The following ST7 variants were observed in gnomAD, a reference collection of about 807,000 sequenced individuals.
ST7 encodes the protein suppressor of tumorigenicity 7 protein.
In ST7, 28 loss-of-function variants were observed where a neutral mutation model predicts 78.7. The observed-to-expected ratio is 0.36, with a 90% CI of 0.26 to 0.49. ST7 has a LOEUF of 0.49. Ranked by LOEUF, ST7 falls within the 20% of genes least tolerant of loss-of-function variation. The pLI is 0.99. For missense variants in ST7, 418 were observed against 696.0 expected (o/e 0.60, Z 4.49); for synonymous variants, 247 against 249.6 (o/e 0.99, Z 0.10).
intron 1 of ST7, among the ~76,000 whole-genome samples, chr7:117,097,481 C>G (rs534728517): frequency 6.6e-6 from 1 of 151,984 alleles, no homozygotes; most frequent in African/African-American, 2.4e-5. Context: ...ACCCACCATG[C>G]CCGGCTAATT....
chr7:117,175,868 A>G (rs145955225), intron 10 of ST7, among the ~76,000 whole-genome samples: 1 of 152,330 alleles, frequency 6.6e-6, no homozygotes, highest in African/African-American at 2.4e-5. Flanking sequence ...ATGGAAAACT[A>G]TATATAAAAT....
At chr7:116,978,525 C>T (rs182745043) in intron 1 of ST7, among the ~76,000 whole-genome samples, 2 of 152,234 alleles carry the variant, frequency 1.3e-5, no homozygotes, top group Non-Finnish European at 2.9e-5. Flanking sequence ...AAAGATAGGG[C>T]ACTATATTCA....
At chr7:117,007,868 T>C (rs1795218189) in intron 1 of ST7, among the ~76,000 whole-genome samples, 1 of 152,230 alleles carries the variant, frequency 6.6e-6, no homozygotes, top group South Asian at 2.1e-4. Context: ...CTCTATGAAT[T>C]TGAAGTCTAT....
chr7:117,024,043 A>G (rs1002624619), intron 1 of ST7, among the ~76,000 whole-genome samples: 1 of 152,092 alleles, frequency 6.6e-6, no homozygotes, highest in Non-Finnish European at 1.5e-5. Context: ...TGAACCCTTG[A>G]CTGCAGGTGA....
chr7:117,069,684 T>C (rs1013192688), intron 1 of ST7, among the ~76,000 whole-genome samples: 4 of 152,204 alleles, frequency 2.6e-5, no homozygotes, highest in Non-Finnish European at 5.9e-5. Flanking sequence ...TTAAGAGCTT[T>C]AGTAATTGAT....
intron 10 of ST7, among the ~76,000 whole-genome samples, chr7:117,184,869 T>G (rs1809103808): frequency 6.6e-6 from 1 of 152,200 alleles, no homozygotes; most frequent in Admixed American, 6.5e-5. Flanking sequence ...AATATCACCG[T>G]TGGGAGAAGC....
At chr7:117,175,727 T>A (rs1052289188) in intron 10 of ST7, among the ~76,000 whole-genome samples, 12 of 152,344 alleles carry the variant, frequency 7.9e-5, no homozygotes, top group African/African-American at 2.6e-4. Flanking sequence ...AGGATTAAAG[T>A]AGTTTAATCT....
intron 1 of ST7, chr7:116,956,683 C>T (rs1156960671): frequency 2.1e-6 from 1 of 468,858 alleles, no homozygotes; most frequent in South Asian, 1.6e-5. Flanking sequence ...ATATCTTGAC[C>T]ATCTGTGACA....
At chr7:117,193,351 A>G (rs1357769670) in intron 12 of ST7, among the ~76,000 whole-genome samples, 3 of 152,132 alleles carry the variant, frequency 2.0e-5, no homozygotes, top group Non-Finnish European at 4.4e-5. Context: ...CATTTTTATT[A>G]TTGGTTTCTT....
chr7:116,980,552 T>C (rs574117359), intron 1 of ST7, among the ~76,000 whole-genome samples: 2 of 152,194 alleles, frequency 1.3e-5, no homozygotes, highest in Non-Finnish European at 2.9e-5. Flanking sequence ...CCTCAGTGCA[T>C]GTTTGTCTAC....
intron 9 of ST7, among the ~76,000 whole-genome samples, chr7:117,157,274 C>A (rs772386654): frequency 6.6e-6 from 1 of 152,114 alleles, no homozygotes; most frequent in Non-Finnish European, 1.5e-5. Flanking sequence ...GCCTCATAGA[C>A]AAAAGTTTTT....
intron 1 of ST7, among the ~76,000 whole-genome samples, chr7:117,015,842 C>T (rs553931689): frequency 2.2e-4 from 34 of 152,182 alleles, no homozygotes; most frequent in African/African-American, 7.0e-4. Context: ...AACTAAAGAA[C>T]GAAGAATTGG....
intron 1 of ST7, chr7:116,959,513 A>G (rs1792710877): frequency 3.5e-6 from 1 of 289,732 alleles, no homozygotes. Context: ...ATGAATATCC[A>G]AGTTACGGTG....
intron 1 of ST7, among the ~76,000 whole-genome samples, chr7:116,974,269 G>C (rs966171434): frequency 1.3e-5 from 2 of 151,260 alleles, no homozygotes; most frequent in Non-Finnish European, 2.9e-5. Context: ...CATGGTTTTA[G>C]TATATGCTTT....
intron 9 of ST7, among the ~76,000 whole-genome samples, chr7:117,147,471 A>G (rs1258027367): frequency 2.0e-5 from 3 of 151,992 alleles, no homozygotes; most frequent in Admixed American, 6.6e-5. Flanking sequence ...TATATTTAAT[A>G]TACATATTTA....
Position 117,229,988 on chromosome 7 carries a change from C to G in ST7, c.*131C>G. 1 of 846,288 alleles carries G rather than the reference C, an allele frequency of 1.2e-6. No individual in the cohort carries two copies. Among genetic ancestry groups the G allele is most frequent in the South Asian group, 1.3e-5 (1 of 74,404 alleles). The allele number at this position is 846,288 out of a possible 1,614,324, so 52.4% of individuals were successfully genotyped here. A position where few individuals can be genotyped will look rare whatever the true frequency, so the allele number is the denominator to read the frequency against. The stretch of plus-strand genomic sequence containing the variant: ...TCCGAGATTTTAAAATGTTCATGGA[C>G]TATTCCATATTAAAAGCTGTTTTTG... On this transcript the variant is annotated 3_prime_UTR_variant, in exon 16 of 16. Coordinates refer to ENST00000323984, the MANE Select transcript of ST7 (RefSeq NM_001369598.1).
chr7:117,072,327 C>G (rs1287941946), intron 1 of ST7: 1 of 152,176 alleles, frequency 6.6e-6, no homozygotes, highest in Non-Finnish European at 1.5e-5. Flanking sequence ...TCTATAGTAT[C>G]ACATCTTCTG....
chr7:117,142,329 C>T (rs190319326), intron 9 of ST7, among the ~76,000 whole-genome samples: 6 of 152,166 alleles, frequency 3.9e-5, no homozygotes, highest in African/African-American at 1.4e-4. Flanking sequence ...TTCAGTCATT[C>T]GGTCTAGAGC....
In ST7 at chr7:117,039,981, T is replaced by C. The variant is rs954839860; in HGVS notation, c.152-59781T>C. Among the ~76,000 whole-genome samples the C allele has an allele frequency of 5.3e-5, 8 of 152,322 alleles. No homozygotes were observed. In the East Asian group the frequency reaches 1.2e-3, roughly 22 times the overall value. On this transcript the variant is annotated intron_variant, in intron 1 of 15. Transcript: ENST00000323984. ...CAAGAAGAGCCATCATGCTTGCACA[T>C]GAAAACAGTTCATTGTAAGAAATTC...
Sources: gnomAD v4.1 joint callset for allele counts (sites outside exome capture counted in the v4.1 genomes callset) on GRCh38, gnomAD v4.1.1 for gene constraint, MANE v1.5 for transcripts, NCBI Gene and HGNC (gene_info 2026-07-23, HGNC 2026-07-21) for gene names.